The following TSGA10 variants were observed in gnomAD, a reference collection of about 807,000 sequenced individuals.
TSGA10 encodes testis specific 10, also known as testis-specific gene 10 protein.
Under a neutral mutation model 96.6 loss-of-function variants are expected in TSGA10, and 43 were observed. The observed-to-expected ratio is 0.44, with a 90% CI of 0.35 to 0.57. TSGA10 has a LOEUF of 0.57. Ranked by LOEUF, TSGA10 falls within the 20% of genes least tolerant of loss-of-function variation. The probability of loss-of-function intolerance (pLI) is 0.01; values close to 1 mark genes in which losing one functional copy is unlikely to be tolerated. For missense variants in TSGA10, 703 were observed against 834.4 expected, an observed-to-expected ratio of 0.84 and a Z score of 1.94; for synonymous variants, 229 against 269.9, an observed-to-expected ratio of 0.85 and a Z score of 1.48.
intron 12 of TSGA10, among the ~76,000 whole-genome samples, chr2:99,078,268 T>A (rs560023656): frequency 8.1e-6 from 1 of 124,212 alleles, no homozygotes; most frequent in African/African-American, 3.6e-5. Flanking sequence ...AAGACTCCCG[T>A]TTGAAAAAAA....
chr2:98,999,049 C>T (rs1434795375), intron 20 of TSGA10, among the ~76,000 whole-genome samples: 2 of 152,132 alleles, frequency 1.3e-5, no homozygotes, highest in East Asian at 3.9e-4. Flanking sequence ...ACATGCGCCA[C>T]CACGCCCAGC....
At chr2:99,001,862 A>G (rs7574662) in intron 20 of TSGA10, among the ~76,000 whole-genome samples, 65,976 of 152,038 alleles carry the variant, frequency 0.43, 16,995 homozygotes, top group African/African-American at 0.72. Context: ...TAGCCAATTC[A>G]ATCAAGTGGA....
chr2:99,101,193 C>T lies in TSGA10; in HGVS notation c.611+2774G>A, dbSNP rs1417387682. 2.0e-4 allele frequency among the ~76,000 whole-genome samples: 23 copies of T among 117,204 alleles called. No individual in the cohort carries two copies. The Admixed American group carries it at 2.3e-3, about 12-fold the overall frequency. 76.9% of individuals were successfully genotyped at this position (117,204 alleles called of 152,430 possible). ...CGGGAAGGCGGAGCTTGCAGTGAGC[C>T]GAGATTGCATGACTGCACTCCAGCC... On this transcript the variant is annotated intron_variant, in intron 10 of 20. Coordinates refer to ENST00000393483, the MANE Select transcript of TSGA10 (RefSeq NM_025244.4).
intron 16 of TSGA10, among the ~76,000 whole-genome samples, chr2:99,042,623 G>A (rs1376894259): frequency 6.6e-6 from 1 of 152,118 alleles, no homozygotes; most frequent in Non-Finnish European, 1.5e-5. Flanking sequence ...ACTTCTGTCT[G>A]TGCTATACTG....
intron 1 of TSGA10, among the ~76,000 whole-genome samples, chr2:99,151,963 T>C (rs1268093261): frequency 6.6e-6 from 1 of 152,116 alleles, no homozygotes; most frequent in Non-Finnish European, 1.5e-5. Flanking sequence ...ACTAAACAAA[T>C]GTGTTTGTAG....
chr2:99,141,059 C>A (rs2093524080), intron 1 of TSGA10: 1 of 1,273,328 alleles, frequency 7.9e-7, no homozygotes, highest in Non-Finnish European at 1.0e-6. Context: ...CTCTCCCCAC[C>A]CCGCGCACCT....
In TSGA10 at chr2:99,054,019, G is replaced by GA. The variant is rs57843500; in HGVS notation, c.1404+10919dup. On this transcript the variant is annotated intron_variant, in intron 16 of 20. Transcript: ENST00000393483. ...TTCCAAGAGCATTTTTACAGAAATAGAAAAAAAATCCTAAAATTCATATGG... is the reference window on the plus strand; with the variant it reads ...TTCCAAGAGCATTTTTACAGAAATAGAAAAAAAAATCCTAAAATTCATATGG... 1.6e-4 allele frequency among the ~76,000 whole-genome samples: 24 copies of GA among 151,790 alleles called. No homozygotes were observed. In the South Asian group the frequency reaches 3.1e-3, roughly 20 times the overall value.
chr2:99,000,336 G>A (rs1421459835), intron 20 of TSGA10, among the ~76,000 whole-genome samples: 3 of 134,524 alleles, frequency 2.2e-5, no homozygotes, highest in African/African-American at 6.6e-5. Flanking sequence ...GGCAAACCCC[G>A]TCTCTACTGA....
intron 20 of TSGA10, among the ~76,000 whole-genome samples, chr2:99,008,934 CT>C (rs1255949221): frequency 2.0e-5 from 3 of 152,038 alleles, no homozygotes; most frequent in African/African-American, 7.2e-5. Flanking sequence ...AAGCATGCAA[CT>C]TTTTGCATAA....
chr2:99,064,832 T>C, intron 16 of TSGA10, 107 bp downstream of exon 16: 3 of 934,200 alleles, frequency 3.2e-6, no homozygotes, highest in Admixed American at 3.2e-5. Flanking sequence ...TCACAGTACA[T>C]TTAAATAATT....
At chr2:99,078,940 G>T (rs1574119410) in intron 11 of TSGA10, 127 bp from the exon 12 acceptor site, 1 of 838,240 alleles carries the variant, frequency 1.2e-6, no homozygotes, top group Non-Finnish European at 1.7e-6. Flanking sequence ...TACTAACAAT[G>T]AGTACTATAT....
At chr2:99,026,796 T>C (rs1331642074) in intron 17 of TSGA10, among the ~76,000 whole-genome samples, 1 of 152,088 alleles carries the variant, frequency 6.6e-6, no homozygotes, top group African/African-American at 2.4e-5. Context: ...AGGCCATAAA[T>C]GGATGAATTG....
chr2:99,095,563 G>A (rs2089945959), intron 10 of TSGA10, among the ~76,000 whole-genome samples: 1 of 152,092 alleles, frequency 6.6e-6, no homozygotes, highest in African/African-American at 2.4e-5. Context: ...ATACTTTAGT[G>A]AGATTTAACT....
intron 16 of TSGA10, among the ~76,000 whole-genome samples, chr2:99,036,328 A>G (rs757955499): frequency 1.3e-5 from 2 of 151,934 alleles, no homozygotes; most frequent in African/African-American, 2.4e-5. Flanking sequence ...CCAACTTTTT[A>G]TCCATCCTTC....
At chr2:99,040,880 A>G (rs1361521367) in intron 16 of TSGA10, among the ~76,000 whole-genome samples, 3 of 152,234 alleles carry the variant, frequency 2.0e-5, no homozygotes, top group Non-Finnish European at 4.4e-5. Flanking sequence ...AATAGACACT[A>G]GGAATAACAG....
chr2:99,123,950 G>A (rs768777792), intron 2 of TSGA10, among the ~76,000 whole-genome samples: 16 of 152,098 alleles, frequency 1.1e-4, no homozygotes, highest in South Asian at 2.1e-4. Context: ...TTGTATATAC[G>A]TATCTACTGG....
intron 17 of TSGA10, among the ~76,000 whole-genome samples, chr2:99,022,007 T>C (rs557932678): frequency 2.0e-5 from 3 of 152,224 alleles, no homozygotes; most frequent in African/African-American, 4.8e-5. Flanking sequence ...CACAATCTAA[T>C]GTGAGAACTT....
At chr2:99,091,158 T>G (rs566016542) in intron 10 of TSGA10, among the ~76,000 whole-genome samples, 1 of 152,346 alleles carries the variant, frequency 6.6e-6, no homozygotes, top group East Asian at 1.9e-4. Flanking sequence ...CCATTAATTT[T>G]GTATCCAGTG....
intron 1 of TSGA10, among the ~76,000 whole-genome samples, chr2:99,129,195 T>C (rs146575105): frequency 5.3e-5 from 8 of 152,314 alleles, no homozygotes; most frequent in Non-Finnish European, 8.8e-5. Context: ...TGCATAATGA[T>C]CATCTCTTAA....
Sources: allele counts gnomAD v4.1 joint callset (sites outside exome capture counted in the v4.1 genomes callset), GRCh38; gene constraint gnomAD v4.1.1; transcripts MANE v1.5; gene names NCBI Gene and HGNC (gene_info 2026-07-23, HGNC 2026-07-21).